RPGRIP1: variants seen among roughly 807,000 people sequenced by gnomAD.
The protein encoded by RPGRIP1 is X-linked retinitis pigmentosa GTPase regulator-interacting protein 1.
A neutral mutation model predicts 157.9 loss-of-function variants in RPGRIP1; 128 were observed. The ratio of observed to expected loss-of-function variants is 0.81; its 90% CI spans 0.70 to 0.94. The LOEUF is 0.94. Among genes scored for constraint, RPGRIP1 ranks in the 40% least tolerant of loss-of-function variants. RPGRIP1 has a pLI of 0.00. For synonymous variants in RPGRIP1, 554 were observed against 571.6 expected, an observed-to-expected ratio of 0.97 and a Z score of 0.44; for missense variants, 1,486 against 1,545.8, an observed-to-expected ratio of 0.96 and a Z score of 0.65.
At chr14:21,298,704 A>G (rs1880896959) in intron 3 of RPGRIP1, among the ~76,000 whole-genome samples, 1 of 151,802 alleles carries the variant, frequency 6.6e-6, no homozygotes. Context: ...TACTTTGGGA[A>G]GCCAAGGCGG....
intron 22 of RPGRIP1, among the ~76,000 whole-genome samples, chr14:21,344,594 G>A (rs534328188): frequency 2.0e-5 from 3 of 152,192 alleles, no homozygotes; most frequent in African/African-American, 7.2e-5. Flanking sequence ...AGTCGTGCAT[G>A]AAATCTTTTT....
At chr14:21,317,621 G>T in intron 10 of RPGRIP1, 75 bp from the exon 11 acceptor site, 1 of 1,550,984 alleles carries the variant, frequency 6.4e-7, no homozygotes, top group Non-Finnish European at 8.7e-7. Flanking sequence ...TCCAGGAGAT[G>T]CTGAAACTGG....
chr14:21,345,387 G>GTTATTTATTTATTTATTTATTTAT (rs139819474), intron 23 of RPGRIP1, among the ~76,000 whole-genome samples, 190 bp downstream of exon 23: 1 of 150,740 alleles, frequency 6.6e-6, no homozygotes, highest in African/African-American at 2.4e-5. Flanking sequence ...AATCTTATAG[G>GTTATTTATTTATTTATTTATTTAT]TTATTTATTT....
chr14:21,348,823 G>A (rs1241537965), intron 24 of RPGRIP1, among the ~76,000 whole-genome samples: 1 of 151,698 alleles, frequency 6.6e-6, no homozygotes, highest in African/African-American at 2.4e-5. Context: ...ACCATGCCTG[G>A]CTAATTTTTG....
intron 21 of RPGRIP1, among the ~76,000 whole-genome samples, chr14:21,335,658 G>A (rs1442711112): frequency 6.6e-6 from 1 of 152,040 alleles, no homozygotes; most frequent in African/African-American, 2.4e-5. Flanking sequence ...GTGAAACCCC[G>A]TCTCTACTAA....
Position 21,328,416 on chromosome 14 carries a change from C to G in RPGRIP1, c.2896-8C>G. The stretch of plus-strand genomic sequence containing the variant: ...GCTTGTAATGCTATCTCTGATCTTT[C>G]TATTCAGGATCAGATGGCATCTCCT... On this transcript the variant is annotated splice_polypyrimidine_tract_variant and splice_region_variant and intron_variant, in intron 18 of 24. Coordinates refer to ENST00000400017, the MANE Select transcript of RPGRIP1 (RefSeq NM_020366.4). The G allele has an allele frequency of 1.9e-6, 3 of 1,597,202 alleles. No individual in the cohort carries two copies. The highest frequency in any genetic ancestry group is 2.6e-6 in the Non-Finnish European group (3 of 1,170,136).
At chr14:21,321,606 G>A in intron 13 of RPGRIP1, 1 of 1,184,924 alleles carries the variant, frequency 8.4e-7, no homozygotes, top group Non-Finnish European at 1.1e-6. Context: ...CCAGTGATGG[G>A]GCCAGCCCAT....
chr14:21,314,687 T>G (rs1881693184), intron 10 of RPGRIP1, among the ~76,000 whole-genome samples: 3 of 141,212 alleles, frequency 2.1e-5, no homozygotes, highest in South Asian at 2.3e-4. Context: ...CACTCCAGCC[T>G]GGGCAACAAG....
intron 6 of RPGRIP1, among the ~76,000 whole-genome samples, chr14:21,305,940 G>T (rs1881280278): frequency 6.6e-6 from 1 of 151,822 alleles, no homozygotes; most frequent in South Asian, 2.1e-4. Context: ...TCAATTATTT[G>T]GGGGGTAGAA....
chr14:21,342,018 C>G (rs973240966), intron 21 of RPGRIP1, among the ~76,000 whole-genome samples: 2 of 151,076 alleles, frequency 1.3e-5, no homozygotes, highest in African/African-American at 2.4e-5. Context: ...CCACTGCACT[C>G]CAGCCTGGGC....
intron 10 of RPGRIP1, among the ~76,000 whole-genome samples, chr14:21,317,215 G>A (rs1881867583): frequency 6.6e-6 from 1 of 152,174 alleles, no homozygotes; most frequent in South Asian, 2.1e-4. Flanking sequence ...TAGGGTGGAG[G>A]ATACAGTTGT....
chr14:21,308,875 A>G (rs1234812899), intron 7 of RPGRIP1, among the ~76,000 whole-genome samples: 1 of 152,184 alleles, frequency 6.6e-6, no homozygotes, highest in Admixed American at 6.5e-5. Context: ...GCCTGTGGAA[A>G]AAACTGGCCC....
At chr14:21,331,743 T>C (rs1883817652) in intron 20 of RPGRIP1, among the ~76,000 whole-genome samples, 1 of 151,970 alleles carries the variant, frequency 6.6e-6, no homozygotes, top group Non-Finnish European at 1.5e-5. Flanking sequence ...GGCTGAACGG[T>C]GATAGAGATG....
chr14:21,333,888 A>G (rs1440765173), intron 20 of RPGRIP1, among the ~76,000 whole-genome samples: 1 of 150,762 alleles, frequency 6.6e-6, no homozygotes, highest in Non-Finnish European at 1.5e-5. Flanking sequence ...CATTGTAAGG[A>G]GAGCAGCTGA....
At chr14:21,312,098 C>T in intron 9 of RPGRIP1, 128 bp downstream of exon 9, 3 of 840,688 alleles carry the variant, frequency 3.6e-6, no homozygotes, top group Non-Finnish European at 3.8e-6. Flanking sequence ...GTAGTTAAAT[C>T]ATTTGCTTAA....
At chr14:21,300,096 G>T (rs1880959031) in intron 3 of RPGRIP1, among the ~76,000 whole-genome samples, 1 of 152,188 alleles carries the variant, frequency 6.6e-6, no homozygotes, top group Non-Finnish European at 1.5e-5. Flanking sequence ...AGGAGTTCGA[G>T]ATCAGCCTGA....
intron 12 of RPGRIP1, among the ~76,000 whole-genome samples, 176 bp downstream of exon 12, chr14:21,320,353 G>A (rs74988524): frequency 6.6e-6 from 1 of 151,904 alleles, no homozygotes; most frequent in Admixed American, 6.6e-5. Context: ...GCAGTGGCGC[G>A]ATCTCGGCTC....
chr14:21,330,533 G>A (rs577004470), intron 20 of RPGRIP1, 146 bp downstream of exon 20: 2 of 499,552 alleles, frequency 4.0e-6, no homozygotes, highest in Non-Finnish European at 6.3e-6. Context: ...GGGTATGGTG[G>A]CAGGCGCCTG....
chr14:21,346,830 C>T (rs1295676803), intron 23 of RPGRIP1, among the ~76,000 whole-genome samples: 3 of 152,194 alleles, frequency 2.0e-5, no homozygotes, highest in Non-Finnish European at 4.4e-5. Context: ...GCCACTGTGC[C>T]CGACCTGGTG....
Sources: gnomAD v4.1 joint callset for allele counts (sites outside exome capture counted in the v4.1 genomes callset) on GRCh38, gnomAD v4.1.1 for gene constraint, MANE v1.5 for transcripts, NCBI Gene and HGNC (gene_info 2026-07-23, HGNC 2026-07-21) for gene names.